The following SLC12A3 variants were observed in gnomAD, a reference collection of about 807,000 sequenced individuals.
SLC12A3 encodes the protein Na-Cl cotransporter.
A neutral mutation model predicts 121.0 loss-of-function variants in SLC12A3; 104 were observed. The observed-to-expected ratio is 0.86, with a 90% CI of 0.73 to 1.01. The LOEUF (loss-of-function observed/expected upper bound fraction) is 1.01. Ranked by LOEUF, SLC12A3 falls within the 50% of genes least tolerant of loss-of-function variation. SLC12A3 has a pLI of 0.00. For synonymous variants in SLC12A3, 536 were observed against 533.4 expected (o/e 1.00, Z -0.07); for missense variants, 1,328 against 1,356.3 (o/e 0.98, Z 0.33).
chr16:56,869,877 G>T, intron 4 of SLC12A3, 53 bp downstream of exon 4: 1 of 1,536,346 alleles, frequency 6.5e-7, no homozygotes, highest in Non-Finnish European at 9.0e-7. Flanking sequence ...TCCTAATCCT[G>T]GGAACAGGAC....
intron 23 of SLC12A3, among the ~76,000 whole-genome samples, chr16:56,901,330 C>T (rs577790206): frequency 6.9e-6 from 1 of 145,070 alleles, no homozygotes; most frequent in African/African-American, 2.7e-5. Flanking sequence ...GCCAATCAGC[C>T]CTACATCTCT....
Position 56,867,191 on chromosome 16 carries a change from G to C in SLC12A3, c.404G>C (p.Arg135Pro). Residue 135 changes from arginine to proline, a missense_variant, in exon 2 of 26, where the codon CGC becomes CCC. Arg to Pro is a moderately radical substitution (Grantham distance 103, BLOSUM62 -2). Transcript: ENST00000563236. ...GAGAAGAACCCCGAGGAGCCAGTGC[G>C]CTTCGGCTGGGTCAAGGGGGTGATG... ...SSEKNPEEPVRFGWVKGVMIR... is the reference protein window; with the variant it reads ...SSEKNPEEPVPFGWVKGVMIR... 1.9e-6 allele frequency: 3 copies of C among 1,612,556 alleles called. No homozygotes were observed. The highest frequency in any genetic ancestry group is 1.7e-6 in the Non-Finnish European group (2 of 1,179,530).
intron 25 of SLC12A3, chr16:56,906,609 T>A (rs920412369): frequency 7.9e-5 from 29 of 367,006 alleles, no homozygotes; most frequent in African/African-American, 5.2e-4. Flanking sequence ...AATGGTCGTC[T>A]ATGTCCTTCA....
In SLC12A3 at chr16:56,868,351, A is replaced by T; in HGVS notation, c.484A>T (p.Ile162Phe). 1.9e-6 allele frequency: 3 copies of T among 1,613,560 alleles called. No individual in the cohort carries two copies. Among genetic ancestry groups the T allele is most frequent in the Non-Finnish European group, 1.7e-6 (2 of 1,179,834 alleles). The change falls in exon 3 of 26, where the codon ATT becomes TTT. Residue 162 changes from isoleucine to phenylalanine, a missense_variant. Coordinates refer to ENST00000563236, the MANE Select transcript of SLC12A3 (RefSeq NM_001126108.2). ...GATCCTCTACCTGCGGCTGCCCTGG[A>T]TTACGGCCCAGGCAGGCATCGGTGA... ...GVILYLRLPW[I>F]TAQAGIVLTW... is the part of the protein sequence containing the mutation.
intron 22 of SLC12A3, among the ~76,000 whole-genome samples, chr16:56,897,672 G>A (rs1425304532): frequency 6.6e-6 from 1 of 152,192 alleles, no homozygotes; most frequent in African/African-American, 2.4e-5. Context: ...GGCTCTGAAT[G>A]GAAGCTGGGT....
In SLC12A3 at chr16:56,885,265, A is replaced by C; in HGVS notation, c.1826A>C (p.Glu609Ala). 6.5e-7 allele frequency: 1 copy of C among 1,547,448 alleles called. No individual in the cohort carries two copies. The highest frequency in any genetic ancestry group is 8.7e-7 in the Non-Finnish European group (1 of 1,142,944). ...LLLYVIYKKP[E>A]VNWGSSVQAG... The stretch of plus-strand genomic sequence containing the variant: ...CCCCGTTGCTCCCTTGCTCTCCCAG[A>C]GGTAAATTGGGGCTCCTCGGTACAG... The change falls in exon 15 of 26, where the codon GAG becomes GCG. Residue 609 changes from glutamate to alanine, a missense_variant and splice_region_variant. By Grantham distance (107) the Glu-to-Ala change is moderately radical. Coordinates refer to ENST00000563236, the MANE Select transcript of SLC12A3 (RefSeq NM_001126108.2).
chr16:56,867,702 G>A (rs1000923405), intron 2 of SLC12A3, among the ~76,000 whole-genome samples: 1 of 152,144 alleles, frequency 6.6e-6, no homozygotes, highest in Admixed American at 6.5e-5. Flanking sequence ...AGCCCTCCCC[G>A]ACCCCCAGAT....
At chr16:56,904,260 A>G in intron 24 of SLC12A3, 135 bp from the exon 25 acceptor site, 1 of 864,566 alleles carries the variant, frequency 1.2e-6, no homozygotes, top group Non-Finnish European at 2.0e-6. Context: ...GAGACTCTAT[A>G]AGAATTTATG....
rs1462300744 is a variant in SLC12A3, at chr16:56,914,845, G to A, written c.*1440G>A. 6.6e-6 allele frequency: 1 copy of A among 152,204 alleles called. No individual in the cohort carries two copies. The highest frequency in any genetic ancestry group is 1.5e-5 in the Non-Finnish European group (1 of 68,124). 9.4% of individuals were successfully genotyped at this position (152,204 alleles called of 1,614,324 possible). A position where few individuals can be genotyped will look rare whatever the true frequency, so the allele number is the denominator to read the frequency against. On this transcript the variant is annotated 3_prime_UTR_variant, in exon 26 of 26. Coordinates refer to ENST00000563236, the MANE Select transcript of SLC12A3 (RefSeq NM_001126108.2). ...AGGTTGGCAAGGAACAGATAGGCAG[G>A]AGCAGGTCCAAGCCAAGCCTAGCCC...
intron 18 of SLC12A3, among the ~76,000 whole-genome samples, chr16:56,888,322 C>T (rs1300799091): frequency 7.9e-5 from 12 of 152,284 alleles, no homozygotes; most frequent in African/African-American, 2.9e-4. Context: ...AAAGAAGAAA[C>T]ACGCTGAGGC....
In SLC12A3 at chr16:56,868,368, CA is replaced by C; in HGVS notation, c.502del (p.Ile168SerfsTer3). 3 of 1,612,394 alleles carry C rather than the reference CA, an allele frequency of 1.9e-6. No homozygotes were observed. The highest frequency in any genetic ancestry group is 3.3e-4 in the Middle Eastern group (2 of 6,056). On this transcript the variant is annotated frameshift_variant, in exon 3 of 26. Coordinates refer to ENST00000563236, the MANE Select transcript of SLC12A3 (RefSeq NM_001126108.2). LOFTEE classifies it high-confidence loss of function. ...TGCCCTGGATTACGGCCCAGGCAGG[CA>C]TCGGTGAGTGCCCCTCTGGGGAAGA... ...RLPWITAQAG[I>X]VLTWIIILLS...
At chr16:56,893,270 T>C (rs747155968) in intron 21 of SLC12A3, among the ~76,000 whole-genome samples, 27 of 152,140 alleles carry the variant, frequency 1.8e-4, no homozygotes, top group Non-Finnish European at 2.6e-4. Context: ...CGCCATGAGA[T>C]GGAAACTTCT....
chr16:56,878,229 C>G, intron 9 of SLC12A3, 68 bp downstream of exon 9: 1 of 1,199,852 alleles, frequency 8.3e-7, no homozygotes, highest in Non-Finnish European at 1.2e-6. Flanking sequence ...GTCCCAAAAC[C>G]CTGACCACTG....
chr16:56,905,128 T>C (rs2055589217), intron 25 of SLC12A3, among the ~76,000 whole-genome samples: 1 of 151,668 alleles, frequency 6.6e-6, no homozygotes. Flanking sequence ...TCACCTGAGG[T>C]CGGGAGGTCG....
chr16:56,901,689 A>AC (rs145507487), intron 23 of SLC12A3, among the ~76,000 whole-genome samples: 46,297 of 151,554 alleles, frequency 0.31, 7,114 homozygotes, highest in Middle Eastern at 0.36. Context: ...CGCACAGAAG[A>AC]CCCCCAGCAG....
intron 21 of SLC12A3, 64 bp from the exon 22 acceptor site, chr16:56,894,467 A>G: frequency 8.6e-7 from 1 of 1,160,494 alleles, no homozygotes; most frequent in South Asian, 1.3e-5. Flanking sequence ...GCGGGGCAGG[A>G]ACTCACATAG....
At chr16:56,876,897 A>G (rs2055170916) in intron 8 of SLC12A3, among the ~76,000 whole-genome samples, 2 of 152,202 alleles carry the variant, frequency 1.3e-5, no homozygotes, top group Admixed American at 6.5e-5. Context: ...TGCTGCACCC[A>G]GGATCAGTCC....
chr16:56,885,776 C>G (rs1282851650), intron 15 of SLC12A3, among the ~76,000 whole-genome samples: 1 of 152,178 alleles, frequency 6.6e-6, no homozygotes. Flanking sequence ...TTGGCAATAT[C>G]TATTTATGTC....
At chr16:56,880,536 G>A (rs113465516) in intron 12 of SLC12A3, among the ~76,000 whole-genome samples, 84 of 152,208 alleles carry the variant, frequency 5.5e-4, no homozygotes, top group African/African-American at 1.8e-3. Flanking sequence ...CTGTTCCCCC[G>A]GTCTGCGTTC....
Sources: allele counts gnomAD v4.1 joint callset (sites outside exome capture counted in the v4.1 genomes callset), GRCh38; gene constraint gnomAD v4.1.1; transcripts MANE v1.5; gene names NCBI Gene and HGNC (gene_info 2026-07-23, HGNC 2026-07-21).